ARL15: variants seen among roughly 807,000 people sequenced by gnomAD.
ARL15 encodes ARF like GTPase 15.
A neutral mutation model predicts 25.2 loss-of-function variants in ARL15; 19 were observed. That is an observed-to-expected ratio of 0.75 (90% CI 0.53 to 1.10). The LOEUF (loss-of-function observed/expected upper bound fraction) is 1.10. Ranked by LOEUF, ARL15 falls within the 50% of genes least tolerant of loss-of-function variation. ARL15 has a pLI of 0.00. For missense variants in ARL15, 220 were observed against 246.0 expected (o/e 0.89, Z 0.71); for synonymous variants, 94 against 86.8 (o/e 1.08, Z -0.46).
intron 4 of ARL15, among the ~76,000 whole-genome samples, chr5:54,026,533 G>A (rs1195867305): frequency 6.6e-6 from 1 of 152,186 alleles, no homozygotes; most frequent in African/African-American, 2.4e-5. Context: ...GCCTCCCAAA[G>A]TACTGGAATT....
At chr5:54,188,185 T>A (rs1755291704) in intron 1 of ARL15, among the ~76,000 whole-genome samples, 1 of 151,856 alleles carries the variant, frequency 6.6e-6, no homozygotes, top group South Asian at 2.1e-4. Context: ...TAGCAATAAA[T>A]AAATAAAGGT....
intron 1 of ARL15, among the ~76,000 whole-genome samples, chr5:54,199,633 G>A (rs548053761): frequency 2.6e-5 from 4 of 151,478 alleles, no homozygotes; most frequent in Non-Finnish European, 5.9e-5. Context: ...TCATTAAAAA[G>A]TCAGGAAACA....
chr5:54,073,747 A>G (rs1188925744), intron 4 of ARL15, among the ~76,000 whole-genome samples: 1 of 152,252 alleles, frequency 6.6e-6, no homozygotes. Context: ...CCCTTGATTA[A>G]AAGAAAAGCC....
At chr5:53,949,847 C>T (rs949043965) in intron 4 of ARL15, among the ~76,000 whole-genome samples, 1 of 152,120 alleles carries the variant, frequency 6.6e-6, no homozygotes, top group Non-Finnish European at 1.5e-5. Flanking sequence ...CAAAAGACTG[C>T]TCGTATGTGA....
chr5:53,887,683 T>C (rs1030442495), intron 4 of ARL15, among the ~76,000 whole-genome samples: 10 of 152,276 alleles, frequency 6.6e-5, no homozygotes, highest in African/African-American at 1.9e-4. Flanking sequence ...TAACATCAAA[T>C]ACAGTTAGTA....
At chr5:54,050,609 G>A (rs1005556682) in intron 4 of ARL15, among the ~76,000 whole-genome samples, 1 of 152,130 alleles carries the variant, frequency 6.6e-6, no homozygotes, top group Non-Finnish European at 1.5e-5. Flanking sequence ...TATTATGTGC[G>A]TGTGTCTAAA....
chr5:54,142,575 T>C (rs1753806259), intron 3 of ARL15, among the ~76,000 whole-genome samples: 1 of 152,166 alleles, frequency 6.6e-6, no homozygotes. Context: ...TTCATGCCTG[T>C]GGCCTCCCTC....
chr5:54,201,332 C>CT lies in ARL15; in HGVS notation c.49-29405dup, dbSNP rs1381329799. Among the ~76,000 whole-genome samples the CT allele has an allele frequency of 2.6e-5, 4 of 152,118 alleles. No individual in the cohort carries two copies. In the East Asian group the frequency reaches 7.7e-4, roughly 29 times the overall value. ...ACCACATCACCATGAAAGGAATAAG[C>CT]TTTTGTGTTTTCAGAGTCTGAGATA... On this transcript the variant is annotated intron_variant, in intron 1 of 4. Coordinates refer to ENST00000504924, the MANE Select transcript of ARL15 (RefSeq NM_019087.3).
chr5:54,145,249 C>T (rs73754462), intron 3 of ARL15, among the ~76,000 whole-genome samples: 3,228 of 152,214 alleles, frequency 0.021, 98 homozygotes, highest in African/African-American at 0.072. Context: ...ATAAATTCTT[C>T]GCATTATTGC....
At chr5:53,975,759 G>C (rs1052707519) in intron 4 of ARL15, among the ~76,000 whole-genome samples, 2 of 152,222 alleles carry the variant, frequency 1.3e-5, no homozygotes, top group Non-Finnish European at 2.9e-5. Context: ...CATCCACAAG[G>C]CTTGCAGGTG....
chr5:53,903,849 A>C (rs926319518), intron 4 of ARL15, among the ~76,000 whole-genome samples: 1 of 152,184 alleles, frequency 6.6e-6, no homozygotes, highest in Non-Finnish European at 1.5e-5. Context: ...CTCAGTCTAC[A>C]CAGTCACTGT....
At position 54,252,541 on chromosome 5, in the gene ARL15, C is replaced by G. The variant is rs188145445; in HGVS notation, c.48+57891G>C. Among the ~76,000 whole-genome samples the G allele has an allele frequency of 9.2e-5, 14 of 152,202 alleles. 1 individual carries two copies. The highest frequency in any genetic ancestry group is 3.1e-4 in the African/African-American group (13 of 41,530). On this transcript the variant is annotated intron_variant, in intron 1 of 4. Transcript: ENST00000504924. ...ACAAGATTTCTCTCACCAGTTTAAC[C>G]ACCGACAGGGTTCATGTCACAGGAT...
At chr5:54,050,489 T>C (rs1391448938) in intron 4 of ARL15, among the ~76,000 whole-genome samples, 1 of 152,166 alleles carries the variant, frequency 6.6e-6, no homozygotes, top group East Asian at 1.9e-4. Flanking sequence ...CAATTAATCT[T>C]GAAAGTTTCC....
At chr5:54,161,798 C>T (rs1754407830) in intron 2 of ARL15, among the ~76,000 whole-genome samples, 1 of 151,924 alleles carries the variant, frequency 6.6e-6, no homozygotes, top group Non-Finnish European at 1.5e-5. Flanking sequence ...AGTTAAGTTC[C>T]TTGATCCTTC....
chr5:54,299,026 C>T (rs1407039435), intron 1 of ARL15, among the ~76,000 whole-genome samples: 1 of 152,000 alleles, frequency 6.6e-6, no homozygotes, highest in Non-Finnish European at 1.5e-5. Flanking sequence ...GCCTCAGCCT[C>T]CCAGGTAATT....
chr5:54,087,759 T>TGG (rs1752017318), intron 4 of ARL15, among the ~76,000 whole-genome samples: 1 of 152,002 alleles, frequency 6.6e-6, no homozygotes, highest in South Asian at 2.1e-4. Flanking sequence ...TATATATATT[T>TGG]GAGTCTCTTA....
chr5:54,180,098 C>T (rs1183479558), intron 1 of ARL15, among the ~76,000 whole-genome samples: 1 of 151,020 alleles, frequency 6.6e-6, no homozygotes, highest in Admixed American at 6.6e-5. Context: ...GGAAAAAAAT[C>T]TCTTTTGAAA....
At chr5:54,238,196 A>G (rs1729761074) in intron 1 of ARL15, among the ~76,000 whole-genome samples, 4 of 152,132 alleles carry the variant, frequency 2.6e-5, no homozygotes, top group Admixed American at 2.6e-4. Flanking sequence ...CGAGGGAGCA[A>G]CCCAGTCACT....
At chr5:54,071,939 C>T (rs111289048) in intron 4 of ARL15, among the ~76,000 whole-genome samples, 9,672 of 145,178 alleles carry the variant, frequency 0.067, 380 homozygotes, top group South Asian at 0.098. Context: ...CACCACTGCA[C>T]GCCAGCCTGG....
Sources: gnomAD v4.1 joint callset for allele counts (sites outside exome capture counted in the v4.1 genomes callset) on GRCh38, gnomAD v4.1.1 for gene constraint, MANE v1.5 for transcripts, NCBI Gene and HGNC (gene_info 2026-07-23, HGNC 2026-07-21) for gene names.